The following B3GNT5 variants were observed in gnomAD, a reference collection of about 807,000 sequenced individuals.
B3GNT5 encodes the protein lactosylceramide 1,3-N-acetyl-beta-D-glucosaminyltransferase.
B3GNT5 carries 11 observed loss-of-function variants against 25.9 expected under a neutral mutation model. The ratio of observed to expected loss-of-function variants is 0.42; its 90% CI spans 0.27 to 0.70. The LOEUF is 0.70. Ranked by LOEUF, B3GNT5 falls within the 30% of genes least tolerant of loss-of-function variation. B3GNT5 has a pLI of 0.23. For synonymous variants in B3GNT5, 166 were observed against 158.6 expected (o/e 1.05, Z -0.35); for missense variants, 385 against 458.4 (o/e 0.84, Z 1.46).
intron 1 of B3GNT5, among the ~76,000 whole-genome samples, chr3:183,261,670 A>G (rs1384769799): frequency 1.3e-5 from 2 of 152,156 alleles, no homozygotes; most frequent in Non-Finnish European, 2.9e-5. Flanking sequence ...CTTGTTTTCT[A>G]TGTAGGTTTC....
intron 1 of B3GNT5, among the ~76,000 whole-genome samples, chr3:183,264,758 TG>T (rs1725936412): frequency 6.6e-6 from 1 of 152,230 alleles, no homozygotes; most frequent in Non-Finnish European, 1.5e-5. Context: ...CAGGGATTAT[TG>T]CAGGGAAACT....
chr3:183,262,769 C>T (rs890099713), intron 1 of B3GNT5, among the ~76,000 whole-genome samples: 4 of 151,820 alleles, frequency 2.6e-5, no homozygotes, highest in African/African-American at 4.8e-5. Context: ...GCTGAAGAGA[C>T]TGGGAAAGGG....
chr3:183,263,656 C>T (rs1221687446), intron 1 of B3GNT5, among the ~76,000 whole-genome samples: 2 of 152,260 alleles, frequency 1.3e-5, no homozygotes, highest in Middle Eastern at 3.4e-3. Flanking sequence ...TGGATCTCTC[C>T]AGTCCTGTCT....
Position 183,270,228 on chromosome 3 carries a change from A to G in B3GNT5, c.430A>G (p.Arg144Gly), listed in dbSNP as rs751976718. 2 of 1,614,214 alleles carry G rather than the reference A, an allele frequency of 1.2e-6. No individual in the cohort carries two copies. Among genetic ancestry groups the G allele is most frequent in the East Asian group, 4.5e-5 (2 of 44,886 alleles). Residue 144 changes from arginine to glycine, a missense_variant, in exon 2 of 2, where the codon AGA becomes GGA. Transcript: ENST00000326505. This position sits in a 1 kb window ranked among gnomAD's most constrained non-coding sequence, Gnocchi z 4.5. ...PNPLEGEELQ[R>G]KLAWEDQRYN... is the part of the protein sequence containing the mutation. ...TCCACTGGAGGGAGAAGAACTACAA[A>G]GAAAACTGGCTTGGGAAGATCAAAG...
At chr3:183,265,396 C>G (rs1490042936) in intron 1 of B3GNT5, 1 of 152,360 alleles carries the variant, frequency 6.6e-6, no homozygotes, top group African/African-American at 2.4e-5. Context: ...TTTCTTCTAC[C>G]AGATCGGCAG....
chr3:183,259,182 G>A (rs1209346743), intron 1 of B3GNT5, among the ~76,000 whole-genome samples: 3 of 152,148 alleles, frequency 2.0e-5, no homozygotes, highest in Non-Finnish European at 4.4e-5. Flanking sequence ...ATCTTAGTCA[G>A]TTTTTCTGGG....
chr3:183,258,410 T>C (rs1255009791), intron 1 of B3GNT5: 1 of 152,566 alleles, frequency 6.6e-6, no homozygotes, highest in Non-Finnish European at 1.5e-5. Flanking sequence ...GGGGTATGGC[T>C]GTAGACTTCT....
rs115825683 is a variant in B3GNT5, at chr3:183,269,803, G to A, written c.5G>A (p.Arg2Lys). 0.011 allele frequency: 17,317 copies of A among 1,602,328 alleles called. 129 individuals are homozygous for A. The highest frequency in any genetic ancestry group is 0.023 in the Middle Eastern group (137 of 5,968). Residue 2 changes from arginine to lysine, a missense_variant, in exon 2 of 2, where the codon AGA becomes AAA. Physicochemically the swap from Arg to Lys is conservative, Grantham distance 26 (BLOSUM62 2). Transcript: ENST00000326505. M[R>K]MLVSGRRVKK... ...TAAAAACAGACTTGAGTGGATATGA[G>A]AATGTTGGTTAGTGGCAGAAGAGTC...
chr3:183,255,688 T>C (rs565924767), intron 1 of B3GNT5, among the ~76,000 whole-genome samples: 1 of 152,030 alleles, frequency 6.6e-6, no homozygotes, highest in African/African-American at 2.4e-5. Context: ...ACTCAGAAGG[T>C]GCAGAAGAGT....
At chr3:183,253,665 C>T (rs1305375239) in intron 1 of B3GNT5, 193 bp downstream of exon 1, 3 of 152,326 alleles carry the variant, frequency 2.0e-5, no homozygotes, top group Non-Finnish European at 4.4e-5. Flanking sequence ...GTTAGAGCTC[C>T]CGCTCGGAAA....
chr3:183,269,513 C>A lies in B3GNT5; in HGVS notation c.-286C>A. 1 of 337,834 alleles carries A rather than the reference C, an allele frequency of 3.0e-6. No individual in the cohort carries two copies. The highest frequency in any genetic ancestry group is 4.8e-5 in the South Asian group (1 of 20,700). 20.9% of individuals were successfully genotyped at this position (337,834 alleles called of 1,614,324 possible). A position where few individuals can be genotyped will look rare whatever the true frequency, so the allele number is the denominator to read the frequency against. Reference sequence around the variant, plus strand: ...ACTGTGATAGGTGGCATGGAATATTCACATGGGAGAGCCGCATGAGGCCGC... The same window carrying A: ...ACTGTGATAGGTGGCATGGAATATTAACATGGGAGAGCCGCATGAGGCCGC... On this transcript the variant is annotated 5_prime_UTR_variant, in exon 2 of 2. An upstream open reading frame in the 5' UTR gains an earlier in-frame stop. Coordinates refer to ENST00000326505, the MANE Select transcript of B3GNT5 (RefSeq NM_032047.5).
rs950973543 is a variant in B3GNT5, at chr3:183,269,536, C to T, written c.-263C>T. 16 of 388,936 alleles carry T rather than the reference C, an allele frequency of 4.1e-5. No homozygotes were observed. Among genetic ancestry groups the T allele is most frequent in the East Asian group, 4.9e-5 (1 of 20,514 alleles). The allele number at this position is 388,936 out of a possible 1,614,324, so 24.1% of individuals were successfully genotyped here. A position where few individuals can be genotyped will look rare whatever the true frequency, so the allele number is the denominator to read the frequency against. On this transcript the variant is annotated 5_prime_UTR_variant, in exon 2 of 2. Transcript: ENST00000326505. ...TTCACATGGGAGAGCCGCATGAGGCCGCCCACCACGCTTCCTGAAGGATGC... is the reference window on the plus strand; with the variant it reads ...TTCACATGGGAGAGCCGCATGAGGCTGCCCACCACGCTTCCTGAAGGATGC...
Position 183,270,495 on chromosome 3 carries a change from A to G in B3GNT5, c.697A>G (p.Lys233Glu), listed in dbSNP as rs944436859. 1 of 1,614,234 alleles carries G rather than the reference A, an allele frequency of 6.2e-7. No individual in the cohort carries two copies. ...VHRGAPPIRD[K>E]SSKYYVSYEM... ...TCGTGGTGCCCCTCCCATTAGAGATAAAAGCAGCAAATACTACGTGTCCTA... is the reference window on the plus strand; with the variant it reads ...TCGTGGTGCCCCTCCCATTAGAGATGAAAGCAGCAAATACTACGTGTCCTA... The change falls in exon 2 of 2, where the codon AAA (lysine) becomes GAA (glutamate). Residue 233 changes from lysine to glutamate, a missense_variant. By Grantham distance (56) the Lys-to-Glu change is moderately conservative (BLOSUM62 1). Coordinates refer to ENST00000326505, the MANE Select transcript of B3GNT5 (RefSeq NM_032047.5). This position sits in a 1 kb window ranked among gnomAD's most constrained non-coding sequence, Gnocchi z 4.5.
chr3:183,268,772 A>G (rs1165515693), intron 1 of B3GNT5, among the ~76,000 whole-genome samples: 1 of 152,148 alleles, frequency 6.6e-6, no homozygotes, highest in Non-Finnish European at 1.5e-5. Context: ...GGTACAAGAA[A>G]CCGTAAGTGG....
chr3:183,271,080 T>G lies in B3GNT5; in HGVS notation c.*145T>G. On this transcript the variant is annotated 3_prime_UTR_variant, in exon 2 of 2. Transcript: ENST00000326505. ...TAGTCCATCAGAATGTTTCTTTGAT[T>G]CTAGAAGCTGTTTAATATCACTTAT... 1.4e-6 allele frequency: 1 copy of G among 720,104 alleles called. No individual in the cohort carries two copies. Among genetic ancestry groups the G allele is most frequent in the Non-Finnish European group, 2.2e-6 (1 of 464,172 alleles). The allele number at this position is 720,104 out of a possible 1,614,324, so 44.6% of individuals were successfully genotyped here.
chr3:183,271,142 A>G lies in B3GNT5; in HGVS notation c.*207A>G. On this transcript the variant is annotated 3_prime_UTR_variant, in exon 2 of 2. Coordinates refer to ENST00000326505, the MANE Select transcript of B3GNT5 (RefSeq NM_032047.5). ...CCTAAGTTCATTTCAAAGAATTTGTATTTAGAAAAGGTTTATATTATTAGT... is the reference window on the plus strand; with the variant it reads ...CCTAAGTTCATTTCAAAGAATTTGTGTTTAGAAAAGGTTTATATTATTAGT... 1 of 454,836 alleles carries G rather than the reference A, an allele frequency of 2.2e-6. No individual in the cohort carries two copies. Among genetic ancestry groups the G allele is most frequent in the African/African-American group, 2.0e-5 (1 of 48,942 alleles). 28.2% of individuals were successfully genotyped at this position (454,836 alleles called of 1,614,324 possible). A position where few individuals can be genotyped will look rare whatever the true frequency, so the allele number is the denominator to read the frequency against.
intron 1 of B3GNT5, 125 bp from the exon 2 acceptor site, chr3:183,269,373 A>C (rs1362958564): frequency 6.3e-6 from 1 of 159,418 alleles, no homozygotes; most frequent in East Asian, 2.0e-4. Context: ...AGTACTAACT[A>C]CCTCATCACC....
In B3GNT5 at chr3:183,271,004, T is replaced by A; in HGVS notation, c.*69T>A. ...CTGGATGAAAAAAACCTTTAAATGTTCGTCTATACCCTAAGTAAAATGAGG... is the reference window on the plus strand; with the variant it reads ...CTGGATGAAAAAAACCTTTAAATGTACGTCTATACCCTAAGTAAAATGAGG... On this transcript the variant is annotated 3_prime_UTR_variant, in exon 2 of 2. Coordinates refer to ENST00000326505, the MANE Select transcript of B3GNT5 (RefSeq NM_032047.5). 1 of 1,402,572 alleles carries A rather than the reference T, an allele frequency of 7.1e-7. No individual in the cohort carries two copies. The highest frequency in any genetic ancestry group is 9.7e-7 in the Non-Finnish European group (1 of 1,035,548). 86.9% of individuals were successfully genotyped at this position (1,402,572 alleles called of 1,614,324 possible). A position where few individuals can be genotyped will look rare whatever the true frequency, so the allele number is the denominator to read the frequency against.
Position 183,272,371 on chromosome 3 carries a change from G to A in B3GNT5, c.*1436G>A. The A allele has an allele frequency of 2.0e-6, 2 of 1,000,236 alleles. No individual in the cohort carries two copies. Among genetic ancestry groups the A allele is most frequent in the East Asian group, 1.1e-4 (1 of 8,824 alleles). The allele number at this position is 1,000,236 out of a possible 1,614,324, so 62.0% of individuals were successfully genotyped here. A position where few individuals can be genotyped will look rare whatever the true frequency, so the allele number is the denominator to read the frequency against. On this transcript the variant is annotated 3_prime_UTR_variant, in exon 2 of 2. Coordinates refer to ENST00000326505, the MANE Select transcript of B3GNT5 (RefSeq NM_032047.5). ...CACTCTAAGGCCTTTGACTGCAGAG[G>A]CACCTGTTAGGGAAAATCAGATGTC...
Sources: allele counts gnomAD v4.1 joint callset (sites outside exome capture counted in the v4.1 genomes callset), GRCh38; gene constraint gnomAD v4.1.1; non-coding constraint Gnocchi (gnomAD v3.1); transcripts MANE v1.5; gene names NCBI Gene and HGNC (gene_info 2026-07-23, HGNC 2026-07-21).